LOXHD1: variants seen among roughly 807,000 people sequenced by gnomAD.
LOXHD1 encodes the protein lipoxygenase homology PLAT domains 1, also known as lipoxygenase homology domain-containing protein 1.
In LOXHD1, 205 loss-of-function variants were observed where a neutral mutation model predicts 248.2. The observed-to-expected ratio is 0.83, with a 90% CI of 0.74 to 0.93. The LOEUF (loss-of-function observed/expected upper bound fraction) is 0.93. Ranked by LOEUF, LOXHD1 falls within the 40% of genes least tolerant of loss-of-function variation. LOXHD1 has a pLI of 0.00. For missense variants in LOXHD1, 2,930 were observed against 2,971.6 expected (o/e 0.99, Z 0.33); for synonymous variants, 1,113 against 1,162.8 (o/e 0.96, Z 0.87).
intron 31 of LOXHD1, among the ~76,000 whole-genome samples, chr18:46,524,107 C>T (rs2035710852): frequency 6.6e-6 from 1 of 152,212 alleles, no homozygotes; most frequent in Non-Finnish European, 1.5e-5. Flanking sequence ...AATGGAACTT[C>T]AGTCCCCAAA....
At chr18:46,570,228 C>T (rs2037725772) in intron 15 of LOXHD1, among the ~76,000 whole-genome samples, 1 of 152,186 alleles carries the variant, frequency 6.6e-6, no homozygotes, top group African/African-American at 2.4e-5. Context: ...GGTGTCACTC[C>T]ATTTTATCAG....
chr18:46,525,045 C>T (rs1273239145), intron 29 of LOXHD1, 128 bp from the exon 30 acceptor site: 2 of 1,049,156 alleles, frequency 1.9e-6, no homozygotes, highest in Non-Finnish European at 2.8e-6. Context: ...TGCTGGGGAG[C>T]CCTCCAGGCC....
chr18:46,532,735 A>G (rs1440476619), intron 28 of LOXHD1, among the ~76,000 whole-genome samples: 1 of 152,220 alleles, frequency 6.6e-6, no homozygotes, highest in Non-Finnish European at 1.5e-5. Flanking sequence ...TTACATATAA[A>G]TCAAGAAGGT....
intron 20 of LOXHD1, chr18:46,559,105 C>T: frequency 7.6e-7 from 1 of 1,316,298 alleles, no homozygotes; most frequent in Non-Finnish European, 1.0e-6. Flanking sequence ...TGCTCCCTCC[C>T]CCTAGTTTTC....
At chr18:46,564,816 A>G (rs552828208) in intron 17 of LOXHD1, among the ~76,000 whole-genome samples, 1 of 152,362 alleles carries the variant, frequency 6.6e-6, no homozygotes, top group South Asian at 2.1e-4. Flanking sequence ...ACAGCCCTAA[A>G]GGAACTTGCA....
chr18:46,533,709 A>G, intron 27 of LOXHD1: 1 of 327,928 alleles, frequency 3.0e-6, no homozygotes, highest in South Asian at 2.5e-5. Flanking sequence ...GGATTACCTG[A>G]TGTCAGGATT....
chr18:46,580,424 G>C (rs116408720), intron 12 of LOXHD1, among the ~76,000 whole-genome samples: 51 of 152,336 alleles, frequency 3.3e-4, no homozygotes, highest in African/African-American at 1.2e-3. Context: ...AGTCACTGTG[G>C]GAAGGGCAGC....
chr18:46,515,813 C>A (rs1009733553), intron 34 of LOXHD1, among the ~76,000 whole-genome samples: 1 of 152,230 alleles, frequency 6.6e-6, no homozygotes, highest in African/African-American at 2.4e-5. Context: ...CAAGAAACCA[C>A]GGTCTCTACA....
chr18:46,638,593 A>G (rs754162081), intron 4 of LOXHD1, among the ~76,000 whole-genome samples: 6 of 152,216 alleles, frequency 3.9e-5, no homozygotes, highest in Non-Finnish European at 8.8e-5. Context: ...AGATTGTGCC[A>G]TTTCACTTCA....
chr18:46,612,097 G>C (rs1485207564), intron 5 of LOXHD1, among the ~76,000 whole-genome samples: 1 of 152,142 alleles, frequency 6.6e-6, no homozygotes, highest in Non-Finnish European at 1.5e-5. Context: ...CTGTATAATA[G>C]TCATTGAATA....
chr18:46,527,115 T>C (rs1175112639), intron 29 of LOXHD1, among the ~76,000 whole-genome samples: 1 of 148,446 alleles, frequency 6.7e-6, no homozygotes, highest in East Asian at 2.0e-4. Flanking sequence ...TCTTGTGACA[T>C]AACAATTGCT....
chr18:46,481,748 G>T (rs2032589626), intron 40 of LOXHD1, among the ~76,000 whole-genome samples: 1 of 152,220 alleles, frequency 6.6e-6, no homozygotes, highest in Non-Finnish European at 1.5e-5. Flanking sequence ...CTTCAATTAA[G>T]AGCGGCTTTT....
chr18:46,636,436 C>G (rs1014827086), intron 4 of LOXHD1, among the ~76,000 whole-genome samples: 5 of 152,202 alleles, frequency 3.3e-5, no homozygotes, highest in Admixed American at 1.3e-4. Context: ...ACCTGGAAAC[C>G]TGATCAAGGT....
intron 37 of LOXHD1, among the ~76,000 whole-genome samples, chr18:46,497,050 C>G (rs1339610369): frequency 6.6e-6 from 1 of 152,170 alleles, no homozygotes; most frequent in Admixed American, 6.5e-5. Context: ...TCTTCCTTTT[C>G]TTGATGAGCC....
At chr18:46,589,753 TC>T (rs1179730302) in intron 12 of LOXHD1, among the ~76,000 whole-genome samples, 1 of 151,996 alleles carries the variant, frequency 6.6e-6, no homozygotes, top group African/African-American at 2.4e-5. Context: ...AAGTCCTAAC[TC>T]CCCAATAACT....
At chr18:46,521,341 C>T in intron 32 of LOXHD1, 59 bp from the exon 33 acceptor site, 1 of 1,530,828 alleles carries the variant, frequency 6.5e-7, no homozygotes, top group African/African-American at 1.4e-5. Flanking sequence ...GGAAGTGCTC[C>T]CTGCCCAGCC....
intron 4 of LOXHD1, among the ~76,000 whole-genome samples, chr18:46,628,929 C>G (rs2038782451): frequency 6.6e-6 from 1 of 152,150 alleles, no homozygotes; most frequent in Non-Finnish European, 1.5e-5. Flanking sequence ...GCAGAGCTAG[C>G]TTTTGACCAT....
intron 13 of LOXHD1, 76 bp downstream of exon 13, chr18:46,579,553 CA>C (rs1351510822): frequency 1.3e-6 from 2 of 1,534,234 alleles, no homozygotes; most frequent in Non-Finnish European, 1.8e-6. Flanking sequence ...TCAACTTTAA[CA>C]GGGCAGGGAA....
At chr18:46,623,971 T>A (rs998204864) in intron 4 of LOXHD1, among the ~76,000 whole-genome samples, 1 of 152,230 alleles carries the variant, frequency 6.6e-6, no homozygotes, top group African/African-American at 2.4e-5. Context: ...AGCCCCCATC[T>A]CATCAAGACC....
Sources: allele counts gnomAD v4.1 joint callset (sites outside exome capture counted in the v4.1 genomes callset), GRCh38; gene constraint gnomAD v4.1.1; transcripts MANE v1.5; gene names NCBI Gene and HGNC (gene_info 2026-07-23, HGNC 2026-07-21).